Variants in GPR107 observed in about 807,000 individuals in gnomAD.
GPR107 encodes the protein protein GPR107.
GPR107 carries 31 observed loss-of-function variants against 75.5 expected under a neutral mutation model. The observed-to-expected ratio is 0.41, with a 90% CI of 0.31 to 0.55. The LOEUF is 0.55. GPR107 is among the 20% of genes least tolerant of loss of function. GPR107 has a pLI of 0.26. For synonymous variants in GPR107, 267 were observed against 251.3 expected (o/e 1.06, Z -0.59); for missense variants, 572 against 665.7 (o/e 0.86, Z 1.55).
chr9:130,079,391 T>C (rs759535922), intron 4 of GPR107, among the ~76,000 whole-genome samples: 1 of 152,262 alleles, frequency 6.6e-6, no homozygotes, highest in African/African-American at 2.4e-5. Flanking sequence ...TACTAAGATC[T>C]TAGGCTTAAG....
rs188822084 is a variant in GPR107 at position 130,133,758 on chromosome 9, A to G, written c.1563-1267A>G. Among the ~76,000 whole-genome samples, 70 of 152,352 alleles carry G rather than the reference A, an allele frequency of 4.6e-4. 1 individual carries two copies. Among genetic ancestry groups the G allele is most frequent in the Admixed American group, 4.5e-3 (69 of 15,302 alleles). On this transcript the variant is annotated intron_variant, in intron 17 of 17. Coordinates refer to ENST00000347136, the MANE Select transcript of GPR107 (RefSeq NM_020960.5). The stretch of plus-strand genomic sequence containing the variant: ...GGATCTGGCCACATACCTTGTCCCA[A>G]CTTTGCCATAAGTACAAATAACCTG...
At chr9:130,124,840 A>T in intron 14 of GPR107, 75 bp from the exon 15 acceptor site, 1 of 843,788 alleles carries the variant, frequency 1.2e-6, no homozygotes, top group Non-Finnish European at 1.9e-6. Flanking sequence ...CTTGACTGAG[A>T]AGGTATCTGA....
chr9:130,130,839 G>A (rs543397807), intron 17 of GPR107, among the ~76,000 whole-genome samples: 4 of 147,056 alleles, frequency 2.7e-5, no homozygotes, highest in South Asian at 2.2e-4. Context: ...CACTGCACTC[G>A]AGCCTGGGCG....
intron 5 of GPR107, among the ~76,000 whole-genome samples, chr9:130,082,052 G>A (rs1484562833): frequency 6.6e-6 from 1 of 152,176 alleles, no homozygotes; most frequent in Non-Finnish European, 1.5e-5. Context: ...GCAGGAGCAA[G>A]AGAGAGTGGG....
At chr9:130,117,366 T>C (rs1045100608) in intron 14 of GPR107, among the ~76,000 whole-genome samples, 3 of 152,110 alleles carry the variant, frequency 2.0e-5, no homozygotes, top group Non-Finnish European at 4.4e-5. Context: ...CCTGATATGG[T>C]CTTTGAGTGG....
intron 1 of GPR107, among the ~76,000 whole-genome samples, chr9:130,069,061 G>A (rs953054967): frequency 1.3e-5 from 2 of 151,996 alleles, no homozygotes; most frequent in African/African-American, 4.8e-5. Flanking sequence ...TTTTTATTTG[G>A]TTGTAAAAAG....
chr9:130,104,656 AAAAG>A, intron 13 of GPR107, 106 bp downstream of exon 13: 1 of 929,836 alleles, frequency 1.1e-6, no homozygotes. Context: ...ACGTGTGTTT[AAAAG>A]TACAGCTTTC....
chr9:130,076,664 G>A (rs1234527131), intron 3 of GPR107, among the ~76,000 whole-genome samples: 2 of 152,082 alleles, frequency 1.3e-5, no homozygotes, highest in African/African-American at 2.4e-5. Context: ...ACCAGCGTGT[G>A]CCACCACGCC....
rs782493068 is a variant in GPR107, at chr9:130,135,112, C to T, written c.1650C>T (p.Gly550=). 78 of 1,592,808 alleles carry T rather than the reference C, an allele frequency of 4.9e-5. No individual in the cohort carries two copies. The highest frequency in any genetic ancestry group is 8.9e-5 in the East Asian group (4 of 44,776). The change falls in exon 18 of 18, where the codon GGC becomes GGT. Residue 550 remains glycine (G), a synonymous_variant. Coordinates refer to ENST00000347136, the MANE Select transcript of GPR107 (RefSeq NM_020960.5). ...GSVEPQGEWE[G]AV is the part of the protein sequence containing the mutation. ...TGGAGCCCCAGGGCGAGTGGGAAGG[C>T]GCCGTGTGACAGAGCCGACCCTGAG...
chr9:130,090,562 G>A (rs1474631276), intron 7 of GPR107, among the ~76,000 whole-genome samples: 4 of 152,160 alleles, frequency 2.6e-5, no homozygotes, highest in East Asian at 1.9e-4. Context: ...GTGAGGTTGT[G>A]GCTATGTATC....
chr9:130,062,494 A>G (rs1252072478), intron 1 of GPR107, among the ~76,000 whole-genome samples: 6 of 151,322 alleles, frequency 4.0e-5, no homozygotes, highest in Non-Finnish European at 2.9e-5. Flanking sequence ...GTAGTAGTTC[A>G]TTCATTCAAC....
chr9:130,078,877 C>T (rs747033374), intron 4 of GPR107, among the ~76,000 whole-genome samples: 12 of 152,172 alleles, frequency 7.9e-5, no homozygotes, highest in Non-Finnish European at 1.5e-4. Flanking sequence ...AATTGGGTCT[C>T]ATGAGAAGGG....
chr9:130,109,506 T>G (rs1279939248), intron 14 of GPR107, among the ~76,000 whole-genome samples: 1 of 151,946 alleles, frequency 6.6e-6, no homozygotes, highest in Non-Finnish European at 1.5e-5. Flanking sequence ...TTTTCTTTTA[T>G]CGTGTTATAT....
rs1052696519 is a variant in GPR107, at chr9:130,099,996, G to A, written c.939+464G>A. Among the ~76,000 whole-genome samples, 77 of 145,268 alleles carry A rather than the reference G, an allele frequency of 5.3e-4. 1 individual carries two copies. The highest frequency in any genetic ancestry group is 1.1e-3 in the Non-Finnish European group (71 of 67,060). ...TGCAAGCTCCTCCCCTCAGGTTCAC[G>A]CCATTCTCCTGCCTGAGTCTCCCGA... On this transcript the variant is annotated intron_variant, in intron 10 of 17. Coordinates refer to ENST00000347136, the MANE Select transcript of GPR107 (RefSeq NM_020960.5).
rs1448929202 is a variant in GPR107 at position 130,078,926 on chromosome 9, G to A, written c.387-704G>A. ...TGGATATTAGGAGGCAACTAACAGT[G>A]CCACTGCCCTCTCGTGCTTCCCTGG... On this transcript the variant is annotated intron_variant, in intron 4 of 17. Transcript: ENST00000347136. 2.6e-5 allele frequency among the ~76,000 whole-genome samples: 4 copies of A among 152,262 alleles called. No homozygotes were observed. In the South Asian group the frequency reaches 6.2e-4, roughly 24 times the overall value.
In GPR107 at chr9:130,062,345, G is replaced by T. The variant is rs559762642; in HGVS notation, c.141+8272G>T. ...AGAGAATTGCTTGAACCTGGGAGGC[G>T]GAGGTTGCAGTGAGCTGAGATTGCG... is the stretch of plus-strand genomic sequence containing the variant. On this transcript the variant is annotated intron_variant, in intron 1 of 17. Coordinates refer to ENST00000347136, the MANE Select transcript of GPR107 (RefSeq NM_020960.5). Among the ~76,000 whole-genome samples, 4 of 151,150 alleles carry T rather than the reference G, an allele frequency of 2.6e-5. No individual in the cohort carries two copies. In the South Asian group the frequency reaches 8.4e-4, roughly 32 times the overall value.
chr9:130,114,483 TG>T (rs1795346505), intron 14 of GPR107: 1 of 337,982 alleles, frequency 3.0e-6, no homozygotes, highest in Admixed American at 3.7e-5. Flanking sequence ...CCTAGGCTCA[TG>T]TGATCGTCTC....
intron 14 of GPR107, chr9:130,114,616 C>A: frequency 8.6e-6 from 5 of 584,124 alleles, no homozygotes; most frequent in South Asian, 1.6e-5. Flanking sequence ...GAACTCCTGG[C>A]CTCTAGCTGT....
intron 9 of GPR107, among the ~76,000 whole-genome samples, chr9:130,098,025 G>A (rs980267786): frequency 6.6e-6 from 1 of 152,116 alleles, no homozygotes; most frequent in Admixed American, 6.6e-5. Context: ...GGGACTACAG[G>A]TGTGCACCGC....
Sources: allele counts gnomAD v4.1 joint callset (sites outside exome capture counted in the v4.1 genomes callset), GRCh38; gene constraint gnomAD v4.1.1; transcripts MANE v1.5; gene names NCBI Gene and HGNC (gene_info 2026-07-23, HGNC 2026-07-21).